PRELID2: variants seen among roughly 807,000 people sequenced by gnomAD.
The protein encoded by PRELID2 is PRELI domain containing 2, also known as PRELI domain-containing protein 2.
Under a neutral mutation model 28.4 loss-of-function variants are expected in PRELID2, and 25 were observed. The observed-to-expected ratio is 0.88, with a 90% CI of 0.64 to 1.23. The LOEUF is 1.23. Ranked by LOEUF, PRELID2 falls within the 50% of genes most tolerant of loss-of-function variation. The probability of loss-of-function intolerance (pLI) is 0.00; values close to 1 mark genes in which losing one functional copy is unlikely to be tolerated. For missense variants in PRELID2, 201 were observed against 214.4 expected (o/e 0.94, Z 0.39); for synonymous variants, 76 against 71.6 (o/e 1.06, Z -0.31).
chr5:145,353,761 G>A, the PRELID2 span, among the ~76,000 whole-genome samples: 101,845 of 151,812 alleles, frequency 0.67, 34,429 homozygotes, highest in East Asian at 0.89. Flanking sequence ...GGTCCCTCCT[G>A]TGACACATGG....
At chr5:145,454,411 T>C in the PRELID2 span, among the ~76,000 whole-genome samples, 446 of 152,192 alleles carry the variant, frequency 2.9e-3, 5 homozygotes, top group African/African-American at 0.01. Context: ...TTCAACATAG[T>C]GTTGGAAGTT....
the PRELID2 span, among the ~76,000 whole-genome samples, chr5:145,357,014 T>C: frequency 6.6e-6 from 1 of 152,226 alleles, no homozygotes; most frequent in Non-Finnish European, 1.5e-5. Context: ...TTTGGCTGTA[T>C]ATAAAATTCT....
At chr5:145,814,493 T>C (rs775438942) in intron 4 of PRELID2, among the ~76,000 whole-genome samples, 2 of 151,800 alleles carry the variant, frequency 1.3e-5, no homozygotes, top group South Asian at 4.1e-4. Flanking sequence ...CTGATGCCAA[T>C]AAGACATGGC....
At chr5:145,692,129 CTCA>C (rs1755162971) in intron 1 of PRELID2, among the ~76,000 whole-genome samples, 3 of 152,134 alleles carry the variant, frequency 2.0e-5, no homozygotes, top group Admixed American at 2.0e-4. Context: ...ATTTACCTGG[CTCA>C]TATTTTCACA....
the PRELID2 span, among the ~76,000 whole-genome samples, chr5:145,419,242 C>T: frequency 2.1e-5 from 3 of 145,810 alleles, no homozygotes; most frequent in African/African-American, 5.0e-5. Flanking sequence ...TGGGTATATA[C>T]CCAGTAATGG....
chr5:145,781,804 T>A (rs536928129), intron 5 of PRELID2, among the ~76,000 whole-genome samples: 131 of 149,018 alleles, frequency 8.8e-4, no homozygotes, highest in African/African-American at 3.1e-3. Flanking sequence ...CACATACAAA[T>A]ACACAATTTG....
the PRELID2 span, among the ~76,000 whole-genome samples, chr5:145,235,318 T>A: frequency 6.6e-6 from 1 of 152,060 alleles, no homozygotes; most frequent in Non-Finnish European, 1.5e-5. Flanking sequence ...TTTATTTGAG[T>A]AAGGTGTACA....
At chr5:145,820,430 T>C (rs922382184) in intron 2 of PRELID2, among the ~76,000 whole-genome samples, 3 of 152,148 alleles carry the variant, frequency 2.0e-5, no homozygotes, top group Admixed American at 6.5e-5. Context: ...TTCGCTGCTC[T>C]GGACTATCCG....
intron 1 of PRELID2, among the ~76,000 whole-genome samples, chr5:145,592,585 A>C (rs1187662602): frequency 6.6e-6 from 1 of 152,192 alleles, no homozygotes. Context: ...AAAAGAGGAA[A>C]CAAATGTATT....
chr5:145,699,797 AATTTCTTTTCTGGAAAGAAAACATCACC>A (rs1390118076), intron 1 of PRELID2, among the ~76,000 whole-genome samples: 1 of 152,160 alleles, frequency 6.6e-6, no homozygotes, highest in African/African-American at 2.4e-5. Context: ...CTGCCGCACA[AATTTCTTTTCTGGAAAGAAAACATCACC>A]ATCAATCCTT....
the PRELID2 span, among the ~76,000 whole-genome samples, chr5:145,293,297 G>A: frequency 6.6e-6 from 1 of 152,044 alleles, no homozygotes; most frequent in Non-Finnish European, 1.5e-5. Context: ...GGGATTAGAA[G>A]AACAAACAAA....
chr5:145,284,911 AATT>A, the PRELID2 span, among the ~76,000 whole-genome samples: 321 of 152,210 alleles, frequency 2.1e-3, 10 homozygotes, highest in East Asian at 0.053. Flanking sequence ...CATTCAATAT[AATT>A]ATTATTAATA....
chr5:145,769,137 T>C (rs1040404153), intron 5 of PRELID2, among the ~76,000 whole-genome samples: 27 of 152,292 alleles, frequency 1.8e-4, no homozygotes, highest in African/African-American at 5.8e-4. Flanking sequence ...AGAACAAACA[T>C]TAAGTGGATC....
the PRELID2 span, among the ~76,000 whole-genome samples, chr5:145,417,674 AAGCC>A: frequency 1.3e-5 from 2 of 152,192 alleles, no homozygotes; most frequent in Non-Finnish European, 2.9e-5. Flanking sequence ...GATGCAGAAA[AAGCC>A]TTTGACAAAA....
intron 1 of PRELID2, among the ~76,000 whole-genome samples, chr5:145,741,721 TA>T (rs1351337549): frequency 1.0e-5 from 1 of 96,814 alleles, no homozygotes; most frequent in African/African-American, 5.2e-5. Flanking sequence ...TATATATAAA[TA>T]AAATTTATTT....
intron 1 of PRELID2, among the ~76,000 whole-genome samples, chr5:145,641,701 T>C (rs967444794): frequency 6.6e-6 from 1 of 152,234 alleles, no homozygotes; most frequent in African/African-American, 2.4e-5. Context: ...GTGTGTGATG[T>C]TCCCCTCCCT....
chr5:145,508,299 A>AGATAGATT lies in PRELID2; in HGVS notation n.71-34985_71-34984insAATCTATC, dbSNP rs1561496168. Among the ~76,000 whole-genome samples, 9 of 104,660 alleles carry AGATAGATT rather than the reference A, an allele frequency of 8.6e-5. No homozygotes were observed. The East Asian group carries it at 3.4e-3, about 39-fold the overall frequency. The allele number at this position is 104,660 out of a possible 152,430, so 68.7% of individuals were successfully genotyped here. On this transcript the variant is annotated intron_variant and non_coding_transcript_variant, in intron 1 of 2. Coordinates refer to the PRELID2 transcript ENST00000510259. Reference sequence around the variant, plus strand: ...AGATAGATAGATAGATAGATAGATTAAAAAATGTAAAGATTATCTATTAAT... The same window carrying AGATAGATT: ...AGATAGATAGATAGATAGATAGATTAGATAGATTAAAAATGTAAAGATTATCTATTAAT...
At chr5:145,764,400 A>C (rs1272275324) in intron 6 of PRELID2, among the ~76,000 whole-genome samples, 2 of 152,198 alleles carry the variant, frequency 1.3e-5, no homozygotes, top group African/African-American at 4.8e-5. Context: ...TTAACCACCA[A>C]GGCACTCTTA....
At chr5:145,409,373 A>T in the PRELID2 span, among the ~76,000 whole-genome samples, 1 of 152,300 alleles carries the variant, frequency 6.6e-6, no homozygotes, top group East Asian at 1.9e-4. Flanking sequence ...CTAATATCTC[A>T]ATACTAACGT....
Sources: gnomAD v4.1 joint callset for allele counts (sites outside exome capture counted in the v4.1 genomes callset) on GRCh38, gnomAD v4.1.1 for gene constraint, MANE v1.5 for transcripts, NCBI Gene and HGNC (gene_info 2026-07-23, HGNC 2026-07-21) for gene names.